MCPH1: variants seen among roughly 807,000 people sequenced by gnomAD.
MCPH1 encodes the protein microcephalin 1.
In MCPH1, 104 loss-of-function variants were observed where a neutral mutation model predicts 84.5. That is an observed-to-expected ratio of 1.23 (90% CI 1.05 to 1.45). The LOEUF is 1.45. MCPH1 is among the 40% of genes most tolerant of loss of function. The pLI is 0.00. For synonymous variants in MCPH1, 514 were observed against 366.8 expected (o/e 1.40, Z -4.58); for missense variants, 1,498 against 1,005.7 (o/e 1.49, Z -6.62).
intron 12 of MCPH1, among the ~76,000 whole-genome samples, chr8:6,617,721 C>T (rs986176892): frequency 7.2e-5 from 11 of 152,024 alleles, no homozygotes; most frequent in African/African-American, 2.7e-4. Context: ...CTGTCACCCA[C>T]GCTGGAGTGA....
chr8:6,517,968 C>A (rs1816590882), intron 12 of MCPH1, among the ~76,000 whole-genome samples: 1 of 152,076 alleles, frequency 6.6e-6, no homozygotes, highest in Non-Finnish European at 1.5e-5. Context: ...TCTTTTACTG[C>A]AAATGTTTAA....
At chr8:6,542,865 G>C (rs1054757621) in intron 12 of MCPH1, among the ~76,000 whole-genome samples, 2 of 152,132 alleles carry the variant, frequency 1.3e-5, no homozygotes, top group African/African-American at 4.8e-5. Context: ...CTAGAAAAGG[G>C]AAAAGGCTAG....
At chr8:6,600,652 A>C (rs1207101433) in intron 12 of MCPH1, among the ~76,000 whole-genome samples, 1 of 152,250 alleles carries the variant, frequency 6.6e-6, no homozygotes, top group Non-Finnish European at 1.5e-5. Context: ...GTATTGAAAG[A>C]TTTCTTAAGT....
chr8:6,575,644 C>G (rs1405996086), intron 12 of MCPH1, among the ~76,000 whole-genome samples: 2 of 152,164 alleles, frequency 1.3e-5, no homozygotes, highest in African/African-American at 2.4e-5. Flanking sequence ...CCTAAATGCC[C>G]TCAGCACGTG....
Position 6,445,396 on chromosome 8 carries a change from G to A in MCPH1, c.1674G>A (p.Leu558=). 1 of 1,614,242 alleles carries A rather than the reference G, an allele frequency of 6.2e-7. No homozygotes were observed. The highest frequency in any genetic ancestry group is 8.5e-7 in the Non-Finnish European group (1 of 1,180,042). The change falls in exon 8 of 14, where the codon CTG becomes CTA. Residue 558 remains leucine (L), a synonymous_variant. Coordinates refer to ENST00000344683, the MANE Select transcript of MCPH1 (RefSeq NM_024596.5). Reference sequence around the variant, plus strand: ...AAGAAATGAAAGAAGCGGTTGGTCTGAAAAGCACACAGAACAAAGGTACCA... The same window carrying A: ...AAGAAATGAAAGAAGCGGTTGGTCTAAAAAGCACACAGAACAAAGGTACCA... The part of the protein sequence containing the change: ...SLEEMKEAVG[L]KSTQNKGTTS...
intron 3 of MCPH1, among the ~76,000 whole-genome samples, chr8:6,427,658 A>G (rs1331058323): frequency 6.6e-6 from 1 of 152,044 alleles, no homozygotes; most frequent in Non-Finnish European, 1.5e-5. Context: ...GGGATTACAC[A>G]TGGGAGTTAT....
Position 6,473,320 on chromosome 8 carries a change from C to CTT in MCPH1, c.1936-4247_1936-4246dup, listed in dbSNP as rs56077837. Among the ~76,000 whole-genome samples the CTT allele has an allele frequency of 8.5e-3, 652 of 76,464 alleles. 64 individuals are homozygous for CTT. The highest frequency in any genetic ancestry group is 0.03 in the East Asian group (56 of 1,866). 50.2% of individuals were successfully genotyped at this position (76,464 alleles called of 152,430 possible). On this transcript the variant is annotated intron_variant, in intron 9 of 13. Transcript: ENST00000344683. Reference sequence around the variant, plus strand: ...TGAAATGACAGTTTTTCTCTCAATCCTTTTTTTTTTTTTTTTTTTTTTTTT... The same window carrying CTT: ...TGAAATGACAGTTTTTCTCTCAATCCTTTTTTTTTTTTTTTTTTTTTTTTTTT...
chr8:6,450,395 T>C (rs918822625), intron 8 of MCPH1, among the ~76,000 whole-genome samples: 1 of 151,714 alleles, frequency 6.6e-6, no homozygotes, highest in Non-Finnish European at 1.5e-5. Flanking sequence ...TGGGCAAGTT[T>C]CTGCAAACTT....
Position 6,505,314 on chromosome 8 carries a change from A to C in MCPH1, c.2214+5385A>C, listed in dbSNP as rs1312637819. 3.0e-3 allele frequency among the ~76,000 whole-genome samples: 169 copies of C among 56,816 alleles called. 26 individuals carry two copies. The highest frequency in any genetic ancestry group is 0.014 in the African/African-American group (152 of 10,606). 37.3% of individuals were successfully genotyped at this position (56,816 alleles called of 152,430 possible). ...ATATACATATATATGTATATAACAT[A>C]TATATGTTATATACATATAGAAAGA... On this transcript the variant is annotated intron_variant, in intron 12 of 13. Coordinates refer to ENST00000344683, the MANE Select transcript of MCPH1 (RefSeq NM_024596.5).
chr8:6,625,785 A>T, intron 13 of MCPH1: 21 of 984,292 alleles, frequency 2.1e-5, no homozygotes, highest in Non-Finnish European at 2.5e-5. Flanking sequence ...CCCCATCTCT[A>T]AAAAGAAAAA....
At chr8:6,544,465 TTAC>T (rs1822176936) in intron 12 of MCPH1, among the ~76,000 whole-genome samples, 2 of 152,210 alleles carry the variant, frequency 1.3e-5, no homozygotes, top group Admixed American at 6.5e-5. Flanking sequence ...AGAGAGTATT[TTAC>T]TACAAAATAT....
chr8:6,597,535 C>G (rs566827737), intron 12 of MCPH1, among the ~76,000 whole-genome samples: 4 of 152,258 alleles, frequency 2.6e-5, no homozygotes, highest in African/African-American at 9.6e-5. Context: ...ACCCGGAGCC[C>G]TCTCCCAGCC....
At chr8:6,419,728 G>C (rs889558696) in intron 3 of MCPH1, among the ~76,000 whole-genome samples, 1 of 151,938 alleles carries the variant, frequency 6.6e-6, no homozygotes, top group African/African-American at 2.4e-5. Flanking sequence ...GGCCAGGCTG[G>C]GCTCAAGTGA....
chr8:6,467,160 T>C (rs1327177143), intron 9 of MCPH1, among the ~76,000 whole-genome samples: 1 of 152,214 alleles, frequency 6.6e-6, no homozygotes, highest in Non-Finnish European at 1.5e-5. Context: ...TTTTGTGACT[T>C]TTGGATAGAC....
chr8:6,639,236 T>C (rs1281574254), intron 13 of MCPH1, among the ~76,000 whole-genome samples: 4 of 152,152 alleles, frequency 2.6e-5, no homozygotes, highest in African/African-American at 9.7e-5. Flanking sequence ...TGGAGTGATA[T>C]TTGATTTCAT....
intron 3 of MCPH1, among the ~76,000 whole-genome samples, chr8:6,426,384 G>C (rs1801064458): frequency 6.6e-6 from 1 of 152,148 alleles, no homozygotes. Flanking sequence ...CACAGATCTG[G>C]TTTCTGTCAT....
intron 12 of MCPH1, among the ~76,000 whole-genome samples, chr8:6,531,224 G>C (rs1463790223): frequency 6.6e-6 from 1 of 151,516 alleles, no homozygotes; most frequent in African/African-American, 2.4e-5. Context: ...CATGTCTCTC[G>C]GTGAATTTTC....
chr8:6,428,768 CAG>C (rs1491057100), intron 3 of MCPH1, among the ~76,000 whole-genome samples: 1 of 151,044 alleles, frequency 6.6e-6, no homozygotes, highest in Non-Finnish European at 1.5e-5. Flanking sequence ...CACACACACA[CAG>C]AAGAACTAAA....
At chr8:6,478,047 C>G (rs1808711492) in intron 10 of MCPH1, among the ~76,000 whole-genome samples, 2 of 152,326 alleles carry the variant, frequency 1.3e-5, no homozygotes, top group Non-Finnish European at 2.9e-5. Context: ...TTGGCATGCT[C>G]TTATCATCTC....
Sources: gnomAD v4.1 joint callset for allele counts (sites outside exome capture counted in the v4.1 genomes callset) on GRCh38, gnomAD v4.1.1 for gene constraint, MANE v1.5 for transcripts, NCBI Gene and HGNC (gene_info 2026-07-23, HGNC 2026-07-21) for gene names.